IL16: variants seen among roughly 807,000 people sequenced by gnomAD.
IL16 encodes the protein interleukin 16, also known as pro-interleukin-16.
A neutral mutation model predicts 110.1 loss-of-function variants in IL16; 67 were observed. The observed-to-expected ratio is 0.61, with a 90% CI of 0.50 to 0.75. The LOEUF is 0.75. Ranked by LOEUF, IL16 falls within the 30% of genes least tolerant of loss-of-function variation. The pLI is 0.00. For synonymous variants in IL16, 689 were observed against 662.9 expected, an observed-to-expected ratio of 1.04 and a Z score of -0.61; for missense variants, 1,545 against 1,655.0, an observed-to-expected ratio of 0.93 and a Z score of 1.15.
chr15:81,190,107 A>G (rs1008005773), intron 1 of IL16, among the ~76,000 whole-genome samples: 7 of 152,202 alleles, frequency 4.6e-5, no homozygotes, highest in African/African-American at 1.7e-4. Context: ...CGAGGGACTC[A>G]ACTGCCTCCA....
In IL16 at chr15:81,299,651, C is replaced by A; in HGVS notation, c.2325C>A (p.Asp775Glu). ...CTCCCAAAGTTTACAAGTCAGCAGA[C>A]AGCAGCACTGTGAAGAAAGGTCCTC... ...NGTPKVYKSA[D>E]SSTVKKGPPV... Residue 775 changes from aspartate (D) to glutamate (E), a missense_variant, in exon 14 of 19, where the codon GAC becomes GAA. Transcript: ENST00000683961. 1.9e-6 allele frequency: 3 copies of A among 1,614,224 alleles called. No individual in the cohort carries two copies. The highest frequency in any genetic ancestry group is 2.5e-6 in the Non-Finnish European group (3 of 1,180,036).
intron 2 of IL16, among the ~76,000 whole-genome samples, chr15:81,234,074 C>T (rs2142075117): frequency 6.6e-6 from 1 of 152,158 alleles, no homozygotes; most frequent in East Asian, 1.9e-4. Context: ...TTGTCTGATA[C>T]TAGTATAGCT....
intron 1 of IL16, chr15:81,188,497 A>G (rs1300613322): frequency 1.1e-5 from 5 of 452,674 alleles, no homozygotes; most frequent in Non-Finnish European, 2.2e-5. Flanking sequence ...GCTGATGCTC[A>G]GAAAGAGGAC....
chr15:81,182,823 C>A, exon 1 of IL16: 1 of 1,285,328 alleles, frequency 7.8e-7, no homozygotes, highest in Non-Finnish European at 1.0e-6. Context: ...AGGAACTTTT[C>A]ACAGCTCTCT....
chr15:81,300,077 A>T lies in IL16; in HGVS notation c.2751A>T (p.Pro917=). 6 of 1,573,946 alleles carry T rather than the reference A, an allele frequency of 3.8e-6. No individual in the cohort carries two copies. The highest frequency in any genetic ancestry group is 5.2e-6 in the Non-Finnish European group (6 of 1,161,690). The change falls in exon 14 of 19, where the codon CCA becomes CCT. Residue 917 remains proline (P), a synonymous_variant. Coordinates refer to ENST00000683961, the MANE Select transcript of IL16 (RefSeq NM_172217.5). ...CTGCAGCCTCCGAGGCCAGAGACCC[A>T]GGTGTGTCTGAGTCCCCTCCCCCAG... ...GSPAASEARD[P]GVSESPPPGR...
At chr15:81,246,404 A>G (rs1216223268) in intron 2 of IL16, among the ~76,000 whole-genome samples, 5 of 152,164 alleles carry the variant, frequency 3.3e-5, no homozygotes, top group Non-Finnish European at 7.3e-5. Flanking sequence ...CCTTTTTCAG[A>G]TAGCGTATAA....
chr15:81,306,812 CTA>C (rs1194389599), intron 18 of IL16: 2 of 492,132 alleles, frequency 4.1e-6, no homozygotes, highest in African/African-American at 3.9e-5. Context: ...GGCCAGGACT[CTA>C]GAGTGGGGCA....
At chr15:81,203,259 C>T (rs1386049577) in intron 1 of IL16, among the ~76,000 whole-genome samples, 1 of 152,014 alleles carries the variant, frequency 6.6e-6, no homozygotes, top group African/African-American at 2.4e-5. Context: ...AATTTTCTCC[C>T]ATTCTGTCAG....
intron 2 of IL16, among the ~76,000 whole-genome samples, chr15:81,243,661 T>G (rs1306214543): frequency 1.3e-5 from 2 of 152,224 alleles, no homozygotes; most frequent in African/African-American, 2.4e-5. Context: ...TTGATAGAAT[T>G]CTTCAGTAAA....
chr15:81,285,243 C>T (rs985449834), intron 9 of IL16, among the ~76,000 whole-genome samples: 1 of 152,098 alleles, frequency 6.6e-6, no homozygotes, highest in Non-Finnish European at 1.5e-5. Flanking sequence ...ATGTTAGGTC[C>T]GATATTCAAC....
Position 81,204,326 on chromosome 15 carries a change from C to A in IL16, c.-102+7174C>A, listed in dbSNP as rs1377019977. Among the ~76,000 whole-genome samples the A allele has an allele frequency of 5.9e-5, 9 of 152,052 alleles. No individual in the cohort carries two copies. In the East Asian group the frequency reaches 1.4e-3, roughly 23 times the overall value. On this transcript the variant is annotated intron_variant, in intron 1 of 18. Transcript: ENST00000683961. ...GAATACCCTTTATTTCCTTCTCCTG[C>A]CTAATTGCCCTGGCCAGAACTTCCA...
chr15:81,285,768 A>T lies in IL16; in HGVS notation c.1270A>T (p.Ile424Phe). 1.2e-6 allele frequency: 2 copies of T among 1,614,146 alleles called. No individual in the cohort carries two copies. The highest frequency in any genetic ancestry group is 2.2e-5 in the South Asian group (2 of 91,084). Residue 424 changes from isoleucine (I) to phenylalanine (F), a missense_variant, in exon 10 of 19, where the codon ATC becomes TTC. By Grantham distance (21) the Ile-to-Phe change is conservative (BLOSUM62 0). This residue lies in a region of IL16 where 1,185 missense variants were observed against 1,238.8 expected (regional missense o/e 0.96). Coordinates refer to ENST00000683961, the MANE Select transcript of IL16 (RefSeq NM_172217.5). ...CCTGACGCTCAATGAAGTCTACACG[A>T]TCCTGAGTCACTGTGATCCCGGTCC... ...HCLTLNEVYT[I>F]LSHCDPGPVP...
chr15:81,221,595 G>C (rs774409960), intron 1 of IL16, among the ~76,000 whole-genome samples: 1 of 151,890 alleles, frequency 6.6e-6, no homozygotes, highest in Non-Finnish European at 1.5e-5. Context: ...CCTCCCTCTC[G>C]ATGCCAGGCC....
intron 2 of IL16, among the ~76,000 whole-genome samples, chr15:81,229,159 C>T (rs1422772244): frequency 1.3e-5 from 2 of 152,094 alleles, no homozygotes; most frequent in East Asian, 1.9e-4. Flanking sequence ...TTATAGTTGA[C>T]AATGCTCAGA....
At chr15:81,283,075 C>T (rs571270350) in intron 9 of IL16, among the ~76,000 whole-genome samples, 18 of 152,290 alleles carry the variant, frequency 1.2e-4, no homozygotes, top group Admixed American at 3.3e-4. Context: ...CTAGCAGGAG[C>T]GGGGTGGACA....
At chr15:81,194,911 C>T (rs74030007), upstream of IL16, among the ~76,000 whole-genome samples, 8,864 of 152,170 alleles carry the variant, frequency 0.058, 879 homozygotes, top group African/African-American at 0.2. Context: ...TCAAGTGGTG[C>T]TTGAACTTCC....
At chr15:81,211,212 A>G (rs1896229458) in intron 1 of IL16, among the ~76,000 whole-genome samples, 2 of 150,980 alleles carry the variant, frequency 1.3e-5, no homozygotes, top group South Asian at 4.2e-4. Context: ...GGCACATGCC[A>G]TGCCTGGCTA....
Position 81,299,813 on chromosome 15 carries a change from C to T in IL16, c.2487C>T (p.His829=), listed in dbSNP as rs761429046. The change falls in exon 14 of 19, where the codon CAC becomes CAT. Residue 829 remains histidine (H), a synonymous_variant. Coordinates refer to ENST00000683961, the MANE Select transcript of IL16 (RefSeq NM_172217.5). ...CTTCCAGGGAGCACCTAGGATCACA[C>T]ATCCGGGCCTCCTCCTCCTCCTCCT... ...APASREHLGS[H]IRASSSSSSI... The T allele has an allele frequency of 1.2e-5, 19 of 1,614,080 alleles. No homozygotes were observed. The East Asian group carries it at 1.3e-4, about 11-fold the overall frequency.
At chr15:81,250,632 G>A in intron 2 of IL16, among the ~76,000 whole-genome samples, 1 of 152,104 alleles carries the variant, frequency 6.6e-6, no homozygotes, top group Non-Finnish European at 1.5e-5. Flanking sequence ...TTTCTGCCAG[G>A]TATTGGGGCA....
Sources: gnomAD v4.1 joint callset for allele counts (sites outside exome capture counted in the v4.1 genomes callset) on GRCh38, gnomAD v4.1.1 for gene constraint, gnomAD v4.1.1 regional missense constraint, MANE v1.5 for transcripts, NCBI Gene and HGNC (gene_info 2026-07-23, HGNC 2026-07-21) for gene names.